Variants in KLF13 observed in about 807,000 individuals in gnomAD.
KLF13 encodes the protein KLF transcription factor 13, also known as Krueppel-like factor 13.
A neutral mutation model predicts 16.7 loss-of-function variants in KLF13; 8 were observed. That is an observed-to-expected ratio of 0.48 (90% CI 0.28 to 0.87). KLF13 has a LOEUF of 0.87. Among genes scored for constraint, KLF13 ranks in the 40% least tolerant of loss-of-function variants. The pLI, the probability that KLF13 is intolerant of heterozygous loss-of-function variation, is 0.10. For missense variants in KLF13, 447 were observed against 452.2 expected, an observed-to-expected ratio of 0.99 and a Z score of 0.10; for synonymous variants, 245 against 208.4, an observed-to-expected ratio of 1.18 and a Z score of -1.51.
intron 1 of KLF13, among the ~76,000 whole-genome samples, chr15:31,418,603 A>G (rs1045120778): frequency 1.3e-5 from 2 of 152,242 alleles, no homozygotes; most frequent in Admixed American, 1.3e-4. Context: ...GAACAACTCA[A>G]CACCACAAAA....
At chr15:31,405,158 AG>A (rs957279512), downstream of KLF13, among the ~76,000 whole-genome samples, 2 of 152,170 alleles carry the variant, frequency 1.3e-5, no homozygotes, top group Non-Finnish European at 1.5e-5. Context: ...TTAGTGCCTT[AG>A]AAAACAAGAG....
At chr15:31,431,664 C>T (rs1211757709) in intron 1 of KLF13, among the ~76,000 whole-genome samples, 2 of 152,192 alleles carry the variant, frequency 1.3e-5, no homozygotes, top group Non-Finnish European at 2.9e-5. Flanking sequence ...TGGGTTTTCA[C>T]CGTGTTAGCC....
At chr15:31,413,203 C>CAAAAAAAAAAAAAAAAAAAAAAAAAAA (rs1341640127) in intron 1 of KLF13, among the ~76,000 whole-genome samples, 1 of 130,240 alleles carries the variant, frequency 7.7e-6, no homozygotes, top group African/African-American at 3.0e-5. Flanking sequence ...AAAAAAAAAA[C>CAAAAAAAAAAAAAAAAAAAAAAAAAAA]AAAAAACAAA....
downstream of KLF13, among the ~76,000 whole-genome samples, chr15:31,379,949 A>G (rs9672538): frequency 0.052 from 7,979 of 152,068 alleles, 296 homozygotes; most frequent in East Asian, 0.13. Context: ...GCGGAGGTGC[A>G]CTCCCTAAGA....
intron 1 of KLF13, among the ~76,000 whole-genome samples, chr15:31,342,535 G>A (rs1003785281): frequency 6.6e-6 from 1 of 152,180 alleles, no homozygotes; most frequent in Non-Finnish European, 1.5e-5. Context: ...CGAGCTCATC[G>A]CTGCGGTCGG....
intron 1 of KLF13, among the ~76,000 whole-genome samples, chr15:31,365,547 A>G (rs1286287313): frequency 1.4e-5 from 2 of 143,962 alleles, no homozygotes; most frequent in South Asian, 2.4e-4. Flanking sequence ...CAGGCTTCCC[A>G]CAGGAGGTTC....
intron 1 of KLF13, among the ~76,000 whole-genome samples, chr15:31,341,484 CAT>C (rs889281600): frequency 6.7e-6 from 1 of 149,614 alleles, no homozygotes; most frequent in Non-Finnish European, 1.5e-5. Flanking sequence ...GAAACAGACA[CAT>C]AGACAATTCA....
At chr15:31,418,017 A>G (rs1341895893) in intron 1 of KLF13, among the ~76,000 whole-genome samples, 1 of 152,208 alleles carries the variant, frequency 6.6e-6, no homozygotes, top group Non-Finnish European at 1.5e-5. Flanking sequence ...GAATAAGAGA[A>G]CTAAAAAAGA....
intron 1 of KLF13, among the ~76,000 whole-genome samples, chr15:31,329,747 G>A (rs1288480316): frequency 6.6e-6 from 1 of 152,258 alleles, no homozygotes; most frequent in Non-Finnish European, 1.5e-5. Flanking sequence ...GTGCTACAGT[G>A]CTCGTTCTTG....
chr15:31,347,173 G>A (rs2039136243), intron 1 of KLF13, among the ~76,000 whole-genome samples: 1 of 152,190 alleles, frequency 6.6e-6, no homozygotes, highest in African/African-American at 2.4e-5. Context: ...CCCCTCCATT[G>A]CTCTGCTGGT....
upstream of KLF13, among the ~76,000 whole-genome samples, chr15:31,391,397 G>A (rs528246930): frequency 1.2e-3 from 159 of 135,666 alleles, 3 homozygotes; most frequent in African/African-American, 3.5e-3. Flanking sequence ...GGGTTTGTGG[G>A]GCTGTAGGGC....
At chr15:31,403,160 C>T (rs1305953829) in intron 2 of KLF13, among the ~76,000 whole-genome samples, 1 of 152,192 alleles carries the variant, frequency 6.6e-6, no homozygotes, top group Non-Finnish European at 1.5e-5. Flanking sequence ...TGCTGATTCC[C>T]CTCATTCTTT....
exon 3 of KLF13, chr15:31,404,454 G>A (rs147545868): frequency 2.0e-5 from 3 of 152,358 alleles, no homozygotes; most frequent in Non-Finnish European, 2.9e-5. Flanking sequence ...TCAGCTCTCT[G>A]TGGCTAGCTA....
chr15:31,355,979 G>A (rs1231842806), intron 1 of KLF13, among the ~76,000 whole-genome samples: 2 of 152,068 alleles, frequency 1.3e-5, no homozygotes, highest in Admixed American at 6.5e-5. Context: ...TCTTGGCAGA[G>A]CTCCTGCTGC....
intron 1 of KLF13, among the ~76,000 whole-genome samples, chr15:31,349,441 A>G (rs1286688201): frequency 6.6e-6 from 1 of 152,200 alleles, no homozygotes; most frequent in Admixed American, 6.5e-5. Context: ...TCTTCGATGG[A>G]ACAGCCACCA....
intron 1 of KLF13, among the ~76,000 whole-genome samples, chr15:31,383,154 G>T (rs1304303426): frequency 1.3e-5 from 2 of 152,238 alleles, no homozygotes; most frequent in East Asian, 3.8e-4. Context: ...AGTGGTTATT[G>T]CATGCTTACC....
chr15:31,423,095 A>ATATATGTATATG (rs1566848033), intron 1 of KLF13, among the ~76,000 whole-genome samples: 1,993 of 139,332 alleles, frequency 0.014, 381 homozygotes, highest in East Asian at 0.022. Context: ...ATATACGTAT[A>ATATATGTATATG]TATACGTATA....
At chr15:31,365,345 G>A (rs1566819150) in intron 1 of KLF13, among the ~76,000 whole-genome samples, 1 of 152,292 alleles carries the variant, frequency 6.6e-6, no homozygotes, top group East Asian at 1.9e-4. Flanking sequence ...GAGGGTGATG[G>A]CTCATTTGCC....
Position 31,400,369 on chromosome 15 carries a change from C to T in KLF13, n.530-3059C>T, listed in dbSNP as rs184016402. Reference sequence around the variant, plus strand: ...GAAAACAGTGAAGGACAGAAGGGGACCCCACATGGAGGGGGTGGCGTGCAG... The same window carrying T: ...GAAAACAGTGAAGGACAGAAGGGGATCCCACATGGAGGGGGTGGCGTGCAG... On this transcript the variant is annotated intron_variant and non_coding_transcript_variant, in intron 2 of 2. Transcript: ENST00000500533. 2.6e-5 allele frequency among the ~76,000 whole-genome samples: 4 copies of T among 152,236 alleles called. No individual in the cohort carries two copies. In the East Asian group the frequency reaches 7.7e-4, roughly 29 times the overall value.
Sources: allele counts gnomAD v4.1 joint callset (sites outside exome capture counted in the v4.1 genomes callset), GRCh38; gene constraint gnomAD v4.1.1; transcripts MANE v1.5; gene names NCBI Gene and HGNC (gene_info 2026-07-23, HGNC 2026-07-21).